FAT1: variants seen among roughly 807,000 people sequenced by gnomAD.
The protein encoded by FAT1 is FAT atypical cadherin 1.
A neutral mutation model predicts 329.8 loss-of-function variants in FAT1; 171 were observed. The observed-to-expected ratio is 0.52, with a 90% CI of 0.46 to 0.59. The LOEUF (loss-of-function observed/expected upper bound fraction) is 0.59. Ranked by LOEUF, FAT1 falls within the 20% of genes least tolerant of loss-of-function variation. The pLI is 0.00. For synonymous variants in FAT1, 2,233 were observed against 2,228.6 expected, an observed-to-expected ratio of 1.00 and a Z score of -0.06; for missense variants, 5,672 against 5,774.4, an observed-to-expected ratio of 0.98 and a Z score of 0.57.
At chr4:186,687,380 T>G (rs1238576778) in intron 2 of FAT1, among the ~76,000 whole-genome samples, 1 of 151,890 alleles carries the variant, frequency 6.6e-6, no homozygotes, top group Non-Finnish European at 1.5e-5. Context: ...TGTCTAGTTC[T>G]CATAAAAACA....
At chr4:186,660,380 T>A (rs1742113417) in intron 3 of FAT1, among the ~76,000 whole-genome samples, 1 of 152,228 alleles carries the variant, frequency 6.6e-6, no homozygotes, top group Admixed American at 6.5e-5. Context: ...CTATATTATT[T>A]AATAATTCCA....
At chr4:186,593,196 T>G (rs1023895087) in intron 26 of FAT1, among the ~76,000 whole-genome samples, 1 of 152,194 alleles carries the variant, frequency 6.6e-6, no homozygotes, top group African/African-American at 2.4e-5. Context: ...GAGAAACATA[T>G]GCAATCTAAA....
At chr4:186,690,060 C>A (rs1051226162) in intron 2 of FAT1, among the ~76,000 whole-genome samples, 2 of 152,136 alleles carry the variant, frequency 1.3e-5, no homozygotes, top group Non-Finnish European at 2.9e-5. Flanking sequence ...TATAGGATAG[C>A]TACAAATAAA....
In FAT1 at chr4:186,709,036, T is replaced by G; in HGVS notation, c.792A>C (p.Pro264=). The change falls in exon 2 of 27, where the codon CCA becomes CCC. Residue 264 remains proline (P), a synonymous_variant. Coordinates refer to ENST00000441802, the MANE Select transcript of FAT1 (RefSeq NM_005245.4). Reference sequence around the variant, plus strand: ...ATGCTGGGTCCCTGTCCAGTTCTGATGGTGACAATGTCACTGCTGTTATCA... The same window carrying G: ...ATGCTGGGTCCCTGTCCAGTTCTGAGGGTGACAATGTCACTGCTGTTATCA... ...APVITAVTLS[P]SELDRDPAYA... is the part of the protein sequence containing the mutation. 6.2e-7 allele frequency: 1 copy of G among 1,614,042 alleles called. No individual in the cohort carries two copies. Among genetic ancestry groups the G allele is most frequent in the Non-Finnish European group, 8.5e-7 (1 of 1,179,904 alleles).
In FAT1 at chr4:186,617,986, C is replaced by T. The variant is rs923987085; in HGVS notation, c.8600G>A (p.Gly2867Asp). The change falls in exon 10 of 27, where the codon GGC (glycine) becomes GAC (aspartate). Residue 2867 changes from glycine to aspartate, a missense_variant. Transcript: ENST00000441802. ...IESFAINMET[G>D]WITTLKELDH... ...AAGTTCCTTTAAAGTTGTAATCCAGCCTGTTTCCATGTTAATGGCAAAGGA... is the reference window on the plus strand; with the variant it reads ...AAGTTCCTTTAAAGTTGTAATCCAGTCTGTTTCCATGTTAATGGCAAAGGA... 1.2e-6 allele frequency: 2 copies of T among 1,614,008 alleles called. No homozygotes were observed. The highest frequency in any genetic ancestry group is 1.7e-6 in the Non-Finnish European group (2 of 1,179,900).
chr4:186,617,619 C>T, intron 10 of FAT1, 89 bp downstream of exon 10: 3 of 1,080,978 alleles, frequency 2.8e-6, no homozygotes, highest in Non-Finnish European at 3.8e-6. Flanking sequence ...CCCTTAAATC[C>T]CCAATTTCCA....
chr4:186,717,721 C>T (rs769263171), intron 1 of FAT1, among the ~76,000 whole-genome samples: 4 of 152,160 alleles, frequency 2.6e-5, no homozygotes, highest in Non-Finnish European at 5.9e-5. Context: ...ACGAAGATGA[C>T]GGGTTCTAGT....
intron 2 of FAT1, among the ~76,000 whole-genome samples, chr4:186,691,983 T>C (rs1743787285): frequency 6.6e-6 from 1 of 152,202 alleles, no homozygotes; most frequent in African/African-American, 2.4e-5. Flanking sequence ...TCTAATCTCT[T>C]TGAGGAGAAG....
intron 3 of FAT1, among the ~76,000 whole-genome samples, chr4:186,653,171 G>A (rs1027922640): frequency 6.6e-6 from 1 of 152,168 alleles, no homozygotes; most frequent in Admixed American, 6.5e-5. Context: ...TATACTTAGA[G>A]CCAACTGTTT....
rs2126504368 is a variant in FAT1 at position 186,619,325 on chromosome 4, C to T, written c.7261G>A (p.Asp2421Asn). The change falls in exon 10 of 27, where the codon GAC becomes AAC. Residue 2421 changes from aspartate to asparagine, a missense_variant. Coordinates refer to ENST00000441802, the MANE Select transcript of FAT1 (RefSeq NM_005245.4). ...ATGGAATACTGCAACTTGTCTATGT[C>T]TGAACTGTCTGCATCATAGGCTTTT... is the stretch of plus-strand genomic sequence containing the variant. The part of the protein sequence containing the change: ...CVKAYDADSS[D>N]IDKLQYSILS... The T allele has an allele frequency of 1.2e-6, 2 of 1,614,046 alleles. No homozygotes were observed. Among genetic ancestry groups the T allele is most frequent in the Non-Finnish European group, 1.7e-6 (2 of 1,179,904 alleles).
chr4:186,720,121 G>C (rs1188953829), intron 1 of FAT1, among the ~76,000 whole-genome samples: 2 of 152,174 alleles, frequency 1.3e-5, no homozygotes, highest in Admixed American at 6.5e-5. Context: ...AAGCTGTCTT[G>C]AGCCAATAAC....
intron 2 of FAT1, among the ~76,000 whole-genome samples, chr4:186,678,635 C>T (rs928895358): frequency 3.4e-5 from 5 of 148,492 alleles, no homozygotes; most frequent in African/African-American, 9.8e-5. Flanking sequence ...TATATTATTA[C>T]TTTTATATAC....
chr4:186,656,132 G>A (rs748477921), intron 3 of FAT1, among the ~76,000 whole-genome samples: 3 of 152,224 alleles, frequency 2.0e-5, no homozygotes, highest in African/African-American at 7.2e-5. Flanking sequence ...AAGGTGAGAC[G>A]CTCAGGACTG....
intron 26 of FAT1, chr4:186,590,766 C>T: frequency 2.3e-6 from 1 of 431,362 alleles, no homozygotes; most frequent in Non-Finnish European, 4.6e-6. Context: ...ATAAACTGAT[C>T]AGATTACATA....
chr4:186,695,579 C>A (rs1177684836), intron 2 of FAT1, among the ~76,000 whole-genome samples: 2 of 152,028 alleles, frequency 1.3e-5, no homozygotes, highest in African/African-American at 4.8e-5. Flanking sequence ...AATCTATTTC[C>A]ATTTTAAATT....
chr4:186,702,386 C>T (rs1744372919), intron 2 of FAT1, among the ~76,000 whole-genome samples: 1 of 152,124 alleles, frequency 6.6e-6, no homozygotes, highest in South Asian at 2.1e-4. Context: ...AACACGGGCT[C>T]CCCAAATAAG....
intron 2 of FAT1, among the ~76,000 whole-genome samples, chr4:186,693,821 T>C (rs1743907229): frequency 6.6e-6 from 1 of 152,218 alleles, no homozygotes; most frequent in Non-Finnish European, 1.5e-5. Flanking sequence ...TCAGTTCAGC[T>C]CTGGATTTGC....
At chr4:186,590,705 C>T (rs1478241210) in intron 26 of FAT1, 2 of 455,372 alleles carry the variant, frequency 4.4e-6, no homozygotes, top group East Asian at 6.9e-5. Flanking sequence ...CCTGAAAACA[C>T]AGAATTTCCT....
chr4:186,617,579 A>G (rs1338313916), intron 10 of FAT1, 129 bp downstream of exon 10: 1 of 753,504 alleles, frequency 1.3e-6, no homozygotes, highest in Non-Finnish European at 2.0e-6. Context: ...ATTTCTACGT[A>G]TTATTTTAGA....
Sources: gnomAD v4.1 joint callset for allele counts (sites outside exome capture counted in the v4.1 genomes callset) on GRCh38, gnomAD v4.1.1 for gene constraint, MANE v1.5 for transcripts, NCBI Gene and HGNC (gene_info 2026-07-23, HGNC 2026-07-21) for gene names.